The following FRMPD4 variants were observed in gnomAD, a reference collection of about 807,000 sequenced individuals.
FRMPD4 encodes the protein FERM and PDZ domain-containing protein 4.
In FRMPD4, 22 loss-of-function variants were observed where a neutral mutation model predicts 94.1. The observed-to-expected ratio is 0.23, with a 90% CI of 0.17 to 0.33. The LOEUF is 0.33. Among genes scored for constraint, FRMPD4 ranks in the 10% least tolerant of loss-of-function variants. The probability of loss-of-function intolerance (pLI) is 1.00; values close to 1 mark genes in which losing one functional copy is unlikely to be tolerated. For missense variants in FRMPD4, 1,111 were observed against 1,339.9 expected (o/e 0.83, Z 2.67); for synonymous variants, 631 against 548.6 (o/e 1.15, Z -2.10).
intron 3 of FRMPD4, among the ~76,000 whole-genome samples, chrX:11,926,058 T>A (rs1157045908): frequency 1.8e-5 from 2 of 109,891 alleles, no homozygotes; most frequent in Admixed American, 1.9e-4. Flanking sequence ...AGGGGGATAT[T>A]ACCACTGACC....
intron 3 of FRMPD4, among the ~76,000 whole-genome samples, chrX:12,105,187 C>T (rs1569159199): frequency 1.8e-5 from 2 of 111,836 alleles, no homozygotes; most frequent in Non-Finnish European, 3.8e-5. Flanking sequence ...GAGTTTTTGT[C>T]TCCACTTTCG....
chrX:12,548,101 A>G (rs1253075747), intron 2 of FRMPD4, among the ~76,000 whole-genome samples: 1 of 112,210 alleles, frequency 8.9e-6, no homozygotes, highest in African/African-American at 3.2e-5. Flanking sequence ...TTTATTTGTC[A>G]CATCATTAGT....
intron 4 of FRMPD4, among the ~76,000 whole-genome samples, chrX:12,646,971 C>A (rs1168684388): frequency 2.7e-5 from 3 of 111,965 alleles, no homozygotes; most frequent in Non-Finnish European, 5.6e-5. Context: ...CTAGGAACAA[C>A]TGGGAGCCCC....
intron 3 of FRMPD4, among the ~76,000 whole-genome samples, chrX:12,023,625 TTAG>T (rs2054643787): frequency 8.9e-6 from 1 of 112,140 alleles, no homozygotes; most frequent in Non-Finnish European, 1.9e-5. Context: ...TGCCTGGCAC[TTAG>T]TAGTCACTTG....
In FRMPD4 at chrX:11,827,087, A is replaced by ATATATATATATAT. The variant is rs58743575; in HGVS notation, c.-161+4372_-161+4373insTATATATATATAT. ...TTATATATATATATATATATATATAAAATATATATGTTCTGTATATAACAT... is the reference window on the plus strand; with the variant it reads ...TTATATATATATATATATATATATAATATATATATATATAATATATATGTTCTGTATATAACAT... On this transcript the variant is annotated intron_variant, in intron 1 of 18. Transcript: ENST00000640291. Among the ~76,000 whole-genome samples, 134 of 83,268 alleles carry ATATATATATATAT rather than the reference A, an allele frequency of 1.6e-3. 2 individuals are homozygous for ATATATATATATAT. The highest frequency in any genetic ancestry group is 0.011 in the East Asian group (27 of 2,484). 72.3% of individuals were successfully genotyped at this position (83,268 alleles called of 115,157 possible). A position where few individuals can be genotyped will look rare whatever the true frequency, so the allele number is the denominator to read the frequency against.
At chrX:12,679,494 TTGG>T (rs2059943442) in intron 5 of FRMPD4, among the ~76,000 whole-genome samples, 1 of 111,079 alleles carries the variant, frequency 9.0e-6, no homozygotes, top group Non-Finnish European at 1.9e-5. Context: ...GGGAATTTCA[TTGG>T]TCTCTTTAAA....
intron 1 of FRMPD4, among the ~76,000 whole-genome samples, chrX:12,220,485 C>T (rs1466929233): frequency 9.0e-6 from 1 of 111,685 alleles, no homozygotes; most frequent in Non-Finnish European, 1.9e-5. Context: ...CAGTATTTAC[C>T]CATATCCATC....
intron 1 of FRMPD4, among the ~76,000 whole-genome samples, chrX:11,823,178 G>C (rs1165884477): frequency 9.0e-6 from 1 of 110,713 alleles, no homozygotes; most frequent in Non-Finnish European, 1.9e-5. Context: ...GGATGCAAGA[G>C]ACTAAAGGCA....
intron 3 of FRMPD4, among the ~76,000 whole-genome samples, chrX:12,612,385 T>C (rs1378147939): frequency 2.7e-5 from 3 of 112,197 alleles, no homozygotes; most frequent in African/African-American, 9.7e-5. Flanking sequence ...AGAGTACTAT[T>C]TCCAGTTATT....
intron 2 of FRMPD4, among the ~76,000 whole-genome samples, chrX:12,528,333 T>C (rs943325699): frequency 9.9e-6 from 1 of 101,020 alleles, no homozygotes; most frequent in Non-Finnish European, 2.0e-5. Context: ...TTTTTTTTTT[T>C]TTTTGGAGAC....
At chrX:12,227,977 C>G (rs779520707) in intron 1 of FRMPD4, among the ~76,000 whole-genome samples, 7 of 111,452 alleles carry the variant, frequency 6.3e-5, no homozygotes, top group Non-Finnish European at 1.1e-4. Context: ...TGAGACCCAA[C>G]CCCAACAAAA....
At chrX:12,537,648 C>G (rs1400625849) in intron 2 of FRMPD4, among the ~76,000 whole-genome samples, 1 of 107,804 alleles carries the variant, frequency 9.3e-6, no homozygotes, top group Non-Finnish European at 1.9e-5. Flanking sequence ...GACTGGGTAT[C>G]ACCATGTTGC....
intron 4 of FRMPD4, among the ~76,000 whole-genome samples, chrX:12,617,360 T>C (rs2059245863): frequency 8.9e-6 from 1 of 112,734 alleles, no homozygotes; most frequent in Non-Finnish European, 1.9e-5. Flanking sequence ...TATCTATGTC[T>C]GCTTTCCTGC....
At chrX:12,424,247 C>T (rs1005097384) in intron 1 of FRMPD4, among the ~76,000 whole-genome samples, 3 of 112,290 alleles carry the variant, frequency 2.7e-5, no homozygotes, top group African/African-American at 9.7e-5. Context: ...AACTATCCAG[C>T]TAAAGACACC....
At chrX:11,991,024 G>A (rs186863595) in intron 3 of FRMPD4, among the ~76,000 whole-genome samples, 1 of 111,934 alleles carries the variant, frequency 8.9e-6, no homozygotes, top group East Asian at 2.8e-4. Context: ...CATGTTCTAG[G>A]GGTTATCTGT....
chrX:12,504,198 A>T (rs1258199118), intron 2 of FRMPD4, among the ~76,000 whole-genome samples: 1 of 112,749 alleles, frequency 8.9e-6, no homozygotes, highest in Non-Finnish European at 1.9e-5. Flanking sequence ...AATAAGAGAA[A>T]TCTCTTGGTG....
At chrX:12,246,870 A>C (rs1368986160) in intron 1 of FRMPD4, among the ~76,000 whole-genome samples, 1 of 111,637 alleles carries the variant, frequency 9.0e-6, no homozygotes, top group South Asian at 3.8e-4. Flanking sequence ...ATAATTTGAA[A>C]AGAAGGTGGT....
intron 3 of FRMPD4, among the ~76,000 whole-genome samples, chrX:11,988,568 C>T (rs190904296): frequency 9.0e-6 from 1 of 111,143 alleles, no homozygotes; most frequent in East Asian, 2.8e-4. Context: ...TACCAACAAG[C>T]ACAGGCAACA....
chrX:12,479,367 C>CACATATACATATATACACACATAT (rs1555971373), intron 1 of FRMPD4, among the ~76,000 whole-genome samples: 1 of 19,786 alleles, frequency 5.1e-5, no homozygotes, highest in African/African-American at 1.7e-4. Flanking sequence ...CACACACACA[C>CACATATACATATATACACACATAT]ATATACATAT....
Sources: allele counts gnomAD v4.1 joint callset (sites outside exome capture counted in the v4.1 genomes callset), GRCh38; gene constraint gnomAD v4.1.1; transcripts MANE v1.5; gene names NCBI Gene and HGNC (gene_info 2026-07-23, HGNC 2026-07-21).